BSN: variants seen among roughly 807,000 people sequenced by gnomAD.
BSN encodes protein bassoon.
Under a neutral mutation model 264.8 loss-of-function variants are expected in BSN, and 57 were observed. The observed-to-expected ratio is 0.22, with a 90% CI of 0.17 to 0.27. The LOEUF (loss-of-function observed/expected upper bound fraction) is 0.27, where lower values mean the gene tolerates loss of function less well. BSN is among the 10% of genes least tolerant of loss of function. The pLI is 1.00. For synonymous variants in BSN, 2,059 were observed against 2,137.3 expected (o/e 0.96, Z 1.01); for missense variants, 4,615 against 5,232.5 (o/e 0.88, Z 3.64).
Position 49,656,409 on chromosome 3 carries a change from C to T in BSN, c.6853C>T (p.Pro2285Ser), listed in dbSNP as rs1429069702. 5 of 1,589,430 alleles carry T rather than the reference C, an allele frequency of 3.1e-6. No homozygotes were observed. In the South Asian group the frequency reaches 4.6e-5, roughly 15 times the overall value. The part of the protein sequence containing the change: ...PAEGPVYLGK[P>S]AAAKAPGAGG... Reference sequence around the variant, plus strand: ...AGAAGGGCCTGTCTATCTGGGGAAACCTGCTGCTGCCAAGGCCCCTGGGGC... The same window carrying T: ...AGAAGGGCCTGTCTATCTGGGGAAATCTGCTGCTGCCAAGGCCCCTGGGGC... Residue 2285 changes from proline (P) to serine (S), a missense_variant, in exon 5 of 12, where the codon CCT becomes TCT. Around this residue, in one of 3 missense-constraint regions of BSN, gnomAD observed 3,415 missense variants for 3,866.4 expected, o/e 0.88. Transcript: ENST00000296452.
chr3:49,673,081 C>T (rs1170047248), downstream of BSN, among the ~76,000 whole-genome samples: 5 of 63,314 alleles, frequency 7.9e-5, no homozygotes, highest in Non-Finnish European at 1.5e-4. Context: ...GCCCGGCCGG[C>T]CGGGACTTTT....
Position 49,655,387 on chromosome 3 carries a change from C to T in BSN, c.5831C>T (p.Pro1944Leu), listed in dbSNP as rs768828047. The T allele has an allele frequency of 7.0e-6, 11 of 1,578,894 alleles. No homozygotes were observed. Among genetic ancestry groups the T allele is most frequent in the South Asian group, 2.4e-5 (2 of 84,680 alleles). The change falls in exon 5 of 12, where the codon CCC becomes CTC. Residue 1944 changes from proline (P) to leucine (L), a missense_variant. Physicochemically the swap from Pro to Leu is moderately conservative, Grantham distance 98. Transcript: ENST00000296452. Reference sequence around the variant, plus strand: ...CAAAGCAGCAGCCCCTTCTATGGTCCCCGGGACCCTGAGCCTCCTGAGCCC... The same window carrying T: ...CAAAGCAGCAGCCCCTTCTATGGTCTCCGGGACCCTGAGCCTCCTGAGCCC... Reference protein sequence around the residue: ...PGQSSSPFYGPRDPEPPEPPT... With the variant: ...PGQSSSPFYGLRDPEPPEPPT...
At position 49,654,170 on chromosome 3, in the gene BSN, T is replaced by A; in HGVS notation, c.4614T>A (p.His1538Gln). 1 of 1,613,928 alleles carries A rather than the reference T, an allele frequency of 6.2e-7. No homozygotes were observed. The highest frequency in any genetic ancestry group is 1.1e-5 in the South Asian group (1 of 91,076). ...TAGCCCAGGGTACACAAACACCACATCGACCCAGCACGCCTCGCCTGGTGT... is the reference window on the plus strand; with the variant it reads ...TAGCCCAGGGTACACAAACACCACAACGACCCAGCACGCCTCGCCTGGTGT... The part of the protein sequence containing the change: ...PMVAQGTQTP[H>Q]RPSTPRLVWQ... The change falls in exon 5 of 12, where the codon CAT becomes CAA. Residue 1538 changes from histidine to glutamine, a missense_variant. By Grantham distance (24) the His-to-Gln change is conservative. Coordinates refer to ENST00000296452, the MANE Select transcript of BSN (RefSeq NM_003458.4). This position sits in a 1 kb window ranked among gnomAD's most constrained non-coding sequence, Gnocchi z 4.1.
chr3:49,600,593 A>G (rs572704684), intron 1 of BSN, among the ~76,000 whole-genome samples: 1 of 152,148 alleles, frequency 6.6e-6, no homozygotes, highest in African/African-American at 2.4e-5. Context: ...GGATTTTGGG[A>G]CCAGCATAGG....
intron 3 of BSN, among the ~76,000 whole-genome samples, chr3:49,649,249 T>C (rs6770670): frequency 0.28 from 42,619 of 152,136 alleles, 6,454 homozygotes; most frequent in Middle Eastern, 0.31. Context: ...GGGCCAAAGG[T>C]CACCTCCTTT....
At position 49,658,109 on chromosome 3, in the gene BSN, T is replaced by A. The variant is rs564436746; in HGVS notation, c.8553T>A (p.Ser2851=). ...RPMKTLQRSL[S]DPKPLSPTAE... The stretch of plus-strand genomic sequence containing the variant: ...TGAAGACCCTGCAGCGGTCCCTGTC[T>A]GACCCTAAGCCCCTCAGCCCCACCG... Residue 2851 remains serine (S), a synonymous_variant, in exon 5 of 12, where the codon TCT becomes TCA. Transcript: ENST00000296452. The A allele has an allele frequency of 6.2e-7, 1 of 1,612,916 alleles. No homozygotes were observed. The highest frequency in any genetic ancestry group is 2.2e-5 in the East Asian group (1 of 44,880).
At position 49,554,665 on chromosome 3, in the gene BSN, CGGCCCCGGCCCG is replaced by C. The variant is rs1158194794; in HGVS notation, c.75_86del (p.Pro29_Gly32del). The C allele has an allele frequency of 2.7e-4, 264 of 991,112 alleles. 1 individual carries two copies. In the Middle Eastern group the frequency reaches 4.1e-3, roughly 15 times the overall value. 61.4% of individuals were successfully genotyped at this position (991,112 alleles called of 1,614,324 possible). ...ACGGGCCGCTGCCGCCCGGCGGCGC[CGGCCCCGGCCCG>C]GGCCCCGGCCCCGGCCCCGGCGCAG... On this transcript the variant is annotated inframe_deletion, in exon 1 of 12. Transcript: ENST00000296452.
chr3:49,649,575 T>A (rs900316271), intron 3 of BSN, among the ~76,000 whole-genome samples: 2 of 152,208 alleles, frequency 1.3e-5, no homozygotes, highest in African/African-American at 4.8e-5. Context: ...GCTGCAGGAA[T>A]CACCCATTTA....
intron 1 of BSN, among the ~76,000 whole-genome samples, chr3:49,606,972 C>T (rs1346460674): frequency 9.2e-5 from 14 of 151,988 alleles, no homozygotes; most frequent in African/African-American, 3.1e-4. Flanking sequence ...AAAAATTAGC[C>T]GGACATGGTG....
downstream of BSN, among the ~76,000 whole-genome samples, chr3:49,673,061 G>A (rs2052837867): frequency 7.2e-6 from 1 of 138,464 alleles, no homozygotes; most frequent in East Asian, 2.5e-4. Flanking sequence ...TTACAGGCGT[G>A]AGCCACCGCG....
At chr3:49,622,780 G>A (rs2052315615) in intron 1 of BSN, among the ~76,000 whole-genome samples, 1 of 152,162 alleles carries the variant, frequency 6.6e-6, no homozygotes, top group Non-Finnish European at 1.5e-5. Context: ...TACTGAAAGG[G>A]CCCAGAGAAG....
In BSN at chr3:49,651,850, C is replaced by T. The variant is rs1228063763; in HGVS notation, c.2294C>T (p.Ser765Phe). 15 of 1,613,844 alleles carry T rather than the reference C, an allele frequency of 9.3e-6. No homozygotes were observed. The highest frequency in any genetic ancestry group is 1.3e-5 in the Non-Finnish European group (15 of 1,180,044). ...EEQKQRPHSLSITPEAFDSDE... is the reference protein window; with the variant it reads ...EEQKQRPHSLFITPEAFDSDE... ...CAGAAGCAGCGGCCCCACTCCTTGTCCATCACGCCTGAGGCCTTTGACTCT... is the reference window on the plus strand; with the variant it reads ...CAGAAGCAGCGGCCCCACTCCTTGTTCATCACGCCTGAGGCCTTTGACTCT... Residue 765 changes from serine (S) to phenylalanine (F), a missense_variant, in exon 5 of 12, where the codon TCC (serine) becomes TTC (phenylalanine). Ser to Phe is a radical substitution (Grantham distance 155). Transcript: ENST00000296452. This position sits in a 1 kb window ranked among gnomAD's most constrained non-coding sequence, Gnocchi z 5.4.
intron 11 of BSN, among the ~76,000 whole-genome samples, chr3:49,666,351 C>T (rs1008710527): frequency 2.6e-5 from 4 of 152,172 alleles, no homozygotes; most frequent in Non-Finnish European, 4.4e-5. Flanking sequence ...CCCAGGCTTC[C>T]GTCCATTTAT....
At chr3:49,561,840 C>CT (rs2051713971) in intron 1 of BSN, among the ~76,000 whole-genome samples, 1 of 152,046 alleles carries the variant, frequency 6.6e-6, no homozygotes, top group Non-Finnish European at 1.5e-5. Context: ...CAAAGTCTCA[C>CT]TCTGTCGCCC....
intron 2 of BSN, among the ~76,000 whole-genome samples, chr3:49,639,315 C>T (rs1294128537): frequency 6.6e-6 from 1 of 151,358 alleles, no homozygotes; most frequent in Non-Finnish European, 1.5e-5. Context: ...TCTCCTGTCT[C>T]AGCCTCCCAA....
At chr3:49,622,891 G>A (rs1473682592) in intron 1 of BSN, among the ~76,000 whole-genome samples, 1 of 152,224 alleles carries the variant, frequency 6.6e-6, no homozygotes, top group Admixed American at 6.5e-5. Flanking sequence ...TCAAACTCTG[G>A]TTGTCTTGCT....
intron 1 of BSN, among the ~76,000 whole-genome samples, chr3:49,594,436 CA>C (rs2052005284): frequency 6.6e-6 from 1 of 152,188 alleles, no homozygotes; most frequent in Non-Finnish European, 1.5e-5. Flanking sequence ...GGCTGTCTTT[CA>C]TCCTTTGAGT....
In BSN at chr3:49,556,629, G is replaced by A. The variant is rs928148026; in HGVS notation, c.224+1803G>A. On this transcript the variant is annotated intron_variant, in intron 1 of 11. Coordinates refer to ENST00000296452, the MANE Select transcript of BSN (RefSeq NM_003458.4). ...CAGAACCAGAGACCATTAGGAGGTG[G>A]GATTTACTCCTCCAGCTGATATTCA... is the stretch of plus-strand genomic sequence containing the variant. Among the ~76,000 whole-genome samples, 6 of 152,104 alleles carry A rather than the reference G, an allele frequency of 3.9e-5. 1 individual carries two copies. The highest frequency in any genetic ancestry group is 6.6e-5 in the Admixed American group (1 of 15,264).
intron 1 of BSN, among the ~76,000 whole-genome samples, chr3:49,608,069 C>T (rs78623024): frequency 0.015 from 2,256 of 152,280 alleles, 45 homozygotes; most frequent in African/African-American, 0.051. Flanking sequence ...TGGTCTCTGC[C>T]AGCGGGAGGC....
Sources: gnomAD v4.1 joint callset for allele counts (sites outside exome capture counted in the v4.1 genomes callset) on GRCh38, gnomAD v4.1.1 for gene constraint, gnomAD v4.1.1 regional missense constraint, Gnocchi (gnomAD v3.1) non-coding constraint, MANE v1.5 for transcripts, NCBI Gene and HGNC (gene_info 2026-07-23, HGNC 2026-07-21) for gene names.